RGS7: variants seen among roughly 807,000 people sequenced by gnomAD.
The protein encoded by RGS7 is regulator of G protein signaling 7.
RGS7 carries 27 observed loss-of-function variants against 81.1 expected under a neutral mutation model. That is an observed-to-expected ratio of 0.33 (90% CI 0.25 to 0.46). The LOEUF is 0.46. Among genes scored for constraint, RGS7 ranks in the 20% least tolerant of loss-of-function variants. The probability of loss-of-function intolerance (pLI) is 1.00; values close to 1 mark genes in which losing one functional copy is unlikely to be tolerated. For missense variants in RGS7, 396 were observed against 607.4 expected (o/e 0.65, Z 3.66); for synonymous variants, 208 against 207.7 (o/e 1.00, Z -0.01).
At chr1:241,126,132 A>G (rs1015689788) in intron 2 of RGS7, among the ~76,000 whole-genome samples, 4 of 151,250 alleles carry the variant, frequency 2.6e-5, no homozygotes, top group Non-Finnish European at 4.4e-5. Context: ...TCCCATTTAT[A>G]TTTATTTATT....
intron 7 of RGS7, among the ~76,000 whole-genome samples, chr1:240,869,179 C>T (rs1376944285): frequency 1.3e-5 from 2 of 152,112 alleles, no homozygotes; most frequent in Non-Finnish European, 2.9e-5. Flanking sequence ...CTGGATTTTT[C>T]GGTACCCACT....
chr1:241,089,063 C>CTATATATATATATA (rs1161090389), intron 3 of RGS7, among the ~76,000 whole-genome samples: 21 of 23,674 alleles, frequency 8.9e-4, no homozygotes, highest in South Asian at 1.5e-3. Context: ...CTCTCTCTCT[C>CTATATATATATATA]TATATATATA....
At chr1:240,874,197 T>C (rs1664969365) in intron 6 of RGS7, among the ~76,000 whole-genome samples, 1 of 152,210 alleles carries the variant, frequency 6.6e-6, no homozygotes, top group Non-Finnish European at 1.5e-5. Flanking sequence ...CCTCCAGCAT[T>C]GTGAGAAATA....
At chr1:240,869,818 T>A (rs1244369382) in intron 7 of RGS7, among the ~76,000 whole-genome samples, 1 of 152,196 alleles carries the variant, frequency 6.6e-6, no homozygotes, top group Non-Finnish European at 1.5e-5. Context: ...TGCACGCCTA[T>A]AATCCCAGCT....
In RGS7 at chr1:241,186,018, C is replaced by T. The variant is rs146897413; in HGVS notation, c.79-87256G>A. On this transcript the variant is annotated intron_variant, in intron 2 of 18. Coordinates refer to ENST00000440928, the MANE Select transcript of RGS7 (RefSeq NM_001364886.1). Reference sequence around the variant, plus strand: ...AAAGCAAGAAAACAAACAAAACCAACGGGAAAATCAAAATCTGGTTCTGAG... The same window carrying T: ...AAAGCAAGAAAACAAACAAAACCAATGGGAAAATCAAAATCTGGTTCTGAG... Among the ~76,000 whole-genome samples, 79 of 152,096 alleles carry T rather than the reference C, an allele frequency of 5.2e-4. No individual in the cohort carries two copies. The East Asian group carries it at 7.7e-3, about 15-fold the overall frequency.
chr1:241,309,377 A>T (rs1358985358), intron 2 of RGS7, among the ~76,000 whole-genome samples: 2 of 113,530 alleles, frequency 1.8e-5, no homozygotes, highest in Non-Finnish European at 3.5e-5. Context: ...CAAGAGCGAA[A>T]CTCCAACTCA....
intron 10 of RGS7, among the ~76,000 whole-genome samples, chr1:240,821,115 G>A (rs1487641416): frequency 6.6e-6 from 1 of 152,158 alleles, no homozygotes; most frequent in East Asian, 1.9e-4. Flanking sequence ...CTCTGGGCAA[G>A]CTTGACCACT....
At chr1:241,006,040 G>T (rs181717642) in intron 3 of RGS7, among the ~76,000 whole-genome samples, 1 of 151,706 alleles carries the variant, frequency 6.6e-6, no homozygotes, top group African/African-American at 2.4e-5. Flanking sequence ...ATATATTTTC[G>T]TTTATTTTGG....
chr1:241,021,338 C>T (rs1377345737), intron 3 of RGS7, among the ~76,000 whole-genome samples: 1 of 152,156 alleles, frequency 6.6e-6, no homozygotes, highest in African/African-American at 2.4e-5. Flanking sequence ...TTTATCATTT[C>T]CAAACAAACA....
chr1:240,926,800 C>T (rs1206465226), intron 6 of RGS7, among the ~76,000 whole-genome samples: 2 of 152,204 alleles, frequency 1.3e-5, no homozygotes, highest in Middle Eastern at 3.4e-3. Flanking sequence ...CACAAAATAC[C>T]AGAAATCTTA....
intron 2 of RGS7, among the ~76,000 whole-genome samples, chr1:241,245,494 A>T (rs1035943362): frequency 8.1e-4 from 114 of 141,528 alleles, no homozygotes; most frequent in African/African-American, 3.0e-3. Flanking sequence ...TTTCCTTATA[A>T]AAAAAAAAAA....
intron 4 of RGS7, 105 bp from the exon 5 acceptor site, chr1:240,936,811 T>C: frequency 1.2e-6 from 1 of 838,932 alleles, no homozygotes; most frequent in Non-Finnish European, 2.0e-6. Flanking sequence ...TACAGTAAGT[T>C]CCTCTTGAAA....
Position 241,235,494 on chromosome 1 carries a change from T to G in RGS7, c.78+120205A>C, listed in dbSNP as rs191334573. 4.3e-3 allele frequency among the ~76,000 whole-genome samples: 658 copies of G among 152,334 alleles called. 4 individuals carry two copies. The highest frequency in any genetic ancestry group is 6.9e-3 in the Non-Finnish European group (468 of 68,012). ...GCTACAGAGCTCATACTGATTTAGC[T>G]GACGGAATGAATGAATAAACTCCAA... On this transcript the variant is annotated intron_variant, in intron 2 of 18. Transcript: ENST00000440928.
chr1:240,938,093 AT>A (rs1558496079), intron 4 of RGS7, among the ~76,000 whole-genome samples: 1 of 152,164 alleles, frequency 6.6e-6, no homozygotes. Flanking sequence ...AACAAAAAAA[AT>A]ATATGTACAG....
At chr1:241,324,710 A>G (rs2148622835) in intron 2 of RGS7, among the ~76,000 whole-genome samples, 1 of 152,226 alleles carries the variant, frequency 6.6e-6, no homozygotes, top group South Asian at 2.1e-4. Flanking sequence ...CCAGCTTTTC[A>G]TGGTCCTTCC....
intron 3 of RGS7, among the ~76,000 whole-genome samples, chr1:241,053,105 T>C (rs1223287254): frequency 3.9e-5 from 6 of 152,188 alleles, no homozygotes; most frequent in Non-Finnish European, 8.8e-5. Flanking sequence ...AAAATGAAGA[T>C]TGATGTCACA....
At chr1:240,992,215 C>G (rs976224461) in intron 3 of RGS7, among the ~76,000 whole-genome samples, 6 of 152,184 alleles carry the variant, frequency 3.9e-5, no homozygotes, top group African/African-American at 1.2e-4. Flanking sequence ...GTCAAAACTA[C>G]AGCTCAGGCC....
rs2077914642 is a variant in RGS7 at position 241,271,877 on chromosome 1, T to TA, written c.78+83821_78+83822insT. Among the ~76,000 whole-genome samples the TA allele has an allele frequency of 1.5e-5, 2 of 136,814 alleles. No homozygotes were observed. The highest frequency in any genetic ancestry group is 5.1e-4 in the South Asian group (2 of 3,924). 89.8% of individuals were successfully genotyped at this position (136,814 alleles called of 152,430 possible). A position where few individuals can be genotyped will look rare whatever the true frequency, so the allele number is the denominator to read the frequency against. ...CCTCCACAATCACACAAGCCAAATC[T>TA]TTATAACGTGTGTGTGTGTGTGTGT... On this transcript the variant is annotated intron_variant, in intron 2 of 18. Coordinates refer to ENST00000440928, the MANE Select transcript of RGS7 (RefSeq NM_001364886.1). The surrounding 1 kb of genome is among the most constrained non-coding windows in gnomAD (Gnocchi z 4.6).
rs1657796053 is a variant in RGS7, at chr1:240,840,720, A to G, written c.610-13548T>C. ...TCCACCTGGAGGGTTTTTGCACATT[A>G]CACTTGTTTGTTTTCTCTGTCTTTC... On this transcript the variant is annotated intron_variant, in intron 9 of 18. Coordinates refer to ENST00000440928, the MANE Select transcript of RGS7 (RefSeq NM_001364886.1). 1.3e-5 allele frequency among the ~76,000 whole-genome samples: 2 copies of G among 152,090 alleles called. 1 individual carries two copies. Among genetic ancestry groups the G allele is most frequent in the South Asian group, 4.1e-4 (2 of 4,828 alleles).
Sources: gnomAD v4.1 joint callset for allele counts (sites outside exome capture counted in the v4.1 genomes callset) on GRCh38, gnomAD v4.1.1 for gene constraint, Gnocchi (gnomAD v3.1) non-coding constraint, MANE v1.5 for transcripts, NCBI Gene and HGNC (gene_info 2026-07-23, HGNC 2026-07-21) for gene names.